EPOR: variants seen among roughly 807,000 people sequenced by gnomAD.
EPOR encodes the protein erythropoietin receptor.
A neutral mutation model predicts 34.3 loss-of-function variants in EPOR; 20 were observed. The observed-to-expected ratio is 0.58, with a 90% CI of 0.41 to 0.85. The LOEUF is 0.85. EPOR is among the 40% of genes least tolerant of loss of function. The pLI, the probability that EPOR is intolerant of heterozygous loss-of-function variation, is 0.00. For synonymous variants in EPOR, 312 were observed against 299.0 expected (o/e 1.04, Z -0.45); for missense variants, 601 against 672.7 (o/e 0.89, Z 1.18).
chr19:11,377,866 C>G lies in EPOR; in HGVS notation c.*118G>C. ...TCCTGAGCAGGATGGATTGGGCAGA[C>G]AAAATCAGCAATGCCCCTGCTCCTG... On this transcript the variant is annotated 3_prime_UTR_variant, in exon 8 of 8. Transcript: ENST00000222139. 2 of 1,310,234 alleles carry G rather than the reference C, an allele frequency of 1.5e-6. No individual in the cohort carries two copies. Among genetic ancestry groups the G allele is most frequent in the South Asian group, 1.2e-5 (1 of 84,600 alleles). The allele number at this position is 1,310,234 out of a possible 1,614,324, so 81.2% of individuals were successfully genotyped here.
In EPOR at chr19:11,378,608, C is replaced by T. The variant is rs200991498; in HGVS notation, c.916-13G>A. 9.3e-6 allele frequency: 15 copies of T among 1,614,146 alleles called. No homozygotes were observed. The highest frequency in any genetic ancestry group is 1.7e-5 in the Admixed American group (1 of 60,014). On this transcript the variant is annotated splice_polypyrimidine_tract_variant and intron_variant, in intron 7 of 7. Transcript: ENST00000222139. The surrounding 1 kb of genome is among the most constrained non-coding windows in gnomAD (Gnocchi z 5.3). ...GGTACAGCCACAGCTGAAGAAATAG[C>T]ACCAACCTGCTCAGAGAGGCCTGCA...
In EPOR at chr19:11,381,891, C is replaced by CTGA; in HGVS notation, c.427+38_427+39insTCA. 1 of 1,614,192 alleles carries CTGA rather than the reference C, an allele frequency of 6.2e-7. No homozygotes were observed. Among genetic ancestry groups the CTGA allele is most frequent in the Non-Finnish European group, 8.5e-7 (1 of 1,180,008 alleles). ...TGGTCAGGTGGGCGAGGACTGAGAC[C>CTGA]CTCTCCTCCGACCACTCCTCCATTC... is the stretch of plus-strand genomic sequence containing the variant. On this transcript the variant is annotated intron_variant, in intron 3 of 7. Coordinates refer to ENST00000222139, the MANE Select transcript of EPOR (RefSeq NM_000121.4). The surrounding 1 kb of genome is among the most constrained non-coding windows in gnomAD (Gnocchi z 5.3).
At position 11,378,732 on chromosome 19, in the gene EPOR, C is replaced by G; in HGVS notation, c.874G>C (p.Glu292Gln). ...TGGGTGGTGAAGAGGCCTTCAAACT[C>G]GCTCTCTGGGCTCGGGATGCCAGGC... ...IWPGIPSPES[E>Q]FEGLFTTHKG... The change falls in exon 7 of 8, where the codon GAG becomes CAG. Residue 292 changes from glutamate (E) to glutamine (Q), a missense_variant. Glu to Gln is a conservative substitution (Grantham distance 29). Transcript: ENST00000222139. The surrounding 1 kb of genome is among the most constrained non-coding windows in gnomAD (Gnocchi z 5.3). 1 of 1,614,210 alleles carries G rather than the reference C, an allele frequency of 6.2e-7. No individual in the cohort carries two copies. The highest frequency in any genetic ancestry group is 8.5e-7 in the Non-Finnish European group (1 of 1,180,048).
chr19:11,383,096 C>T lies in EPOR; in HGVS notation c.251+1G>A, dbSNP rs754116067. Reference sequence around the variant, plus strand: ...GGAGGCACCCGCCGGATCGGACTCACTCGAGCTGGTAGGAGAAGCTGTAGT... The same window carrying T: ...GGAGGCACCCGCCGGATCGGACTCATTCGAGCTGGTAGGAGAAGCTGTAGT... On this transcript the variant is annotated splice_donor_variant, in intron 2 of 7. Coordinates refer to ENST00000222139, the MANE Select transcript of EPOR (RefSeq NM_000121.4). LOFTEE classifies it high-confidence loss of function. The surrounding 1 kb of genome is among the most constrained non-coding windows in gnomAD (Gnocchi z 4.9). 7.2e-5 allele frequency: 116 copies of T among 1,613,578 alleles called. No individual in the cohort carries two copies. The highest frequency in any genetic ancestry group is 9.4e-5 in the Non-Finnish European group (111 of 1,179,934).
rs1968306083 is a variant in EPOR at position 11,378,076 on chromosome 19, C to A, written c.1435G>T (p.Gly479Cys). The A allele has an allele frequency of 1.2e-6, 2 of 1,614,118 alleles. No individual in the cohort carries two copies. Among genetic ancestry groups the A allele is most frequent in the East Asian group, 2.2e-5 (1 of 44,888 alleles). Residue 479 changes from glycine (G) to cysteine (C), a missense_variant, in exon 8 of 8, where the codon GGC becomes TGC. Transcript: ENST00000222139. This position sits in a 1 kb window ranked among gnomAD's most constrained non-coding sequence, Gnocchi z 5.3. Reference protein sequence around the residue: ...SSGDSQGAQGGLSDGPYSNPY... With the variant: ...SSGDSQGAQGCLSDGPYSNPY... ...TTGGAGTAGGGGCCATCGGATAAGC[C>A]CCCTTGGGCTCCCTGGGAGTCCCCT...
chr19:11,383,863 A>C lies in EPOR; in HGVS notation c.115+230T>G, dbSNP rs931064714. On this transcript the variant is annotated intron_variant, in intron 1 of 7. Coordinates refer to ENST00000222139, the MANE Select transcript of EPOR (RefSeq NM_000121.4). The surrounding 1 kb of genome is among the most constrained non-coding windows in gnomAD (Gnocchi z 4.9). ...AAGGTAAAACGGGAATGTTAAGCCC[A>C]CTCTAGCTCTTGCCCGGGACGCGAT... Among the ~76,000 whole-genome samples, 1 of 150,546 alleles carries C rather than the reference A, an allele frequency of 6.6e-6. No individual in the cohort carries two copies. Among genetic ancestry groups the C allele is most frequent in the Non-Finnish European group, 1.5e-5 (1 of 67,694 alleles).
chr19:11,381,261 T>TG lies in EPOR; in HGVS notation c.586-53dup, dbSNP rs1363529996. The TG allele has an allele frequency of 2.6e-6, 4 of 1,540,690 alleles. No individual in the cohort carries two copies. The highest frequency in any genetic ancestry group is 2.8e-5 in the African/African-American group (2 of 72,632). On this transcript the variant is annotated intron_variant, in intron 4 of 7. Transcript: ENST00000222139. The surrounding 1 kb of genome is among the most constrained non-coding windows in gnomAD (Gnocchi z 5.3). Reference sequence around the variant, plus strand: ...GCGTAGCAGACAAAAATAGATGACGTGGGGGCGGGCCCTGGTGGAACTGAG... The same window carrying TG: ...GCGTAGCAGACAAAAATAGATGACGTGGGGGGCGGGCCCTGGTGGAACTGAG...
chr19:11,383,365 G>T lies in EPOR; in HGVS notation c.116-133C>A. 2.1e-6 allele frequency: 2 copies of T among 959,112 alleles called. No individual in the cohort carries two copies. Among genetic ancestry groups the T allele is most frequent in the Non-Finnish European group, 3.0e-6 (2 of 666,396 alleles). 59.4% of individuals were successfully genotyped at this position (959,112 alleles called of 1,614,324 possible). On this transcript the variant is annotated intron_variant, in intron 1 of 7. Transcript: ENST00000222139. The surrounding 1 kb of genome is among the most constrained non-coding windows in gnomAD (Gnocchi z 4.9). ...CCCCGCCCTGCCATCTTCCCAAGCG[G>T]GTCCCTTGGAGGGGTCCGCAGAGGT...
Position 11,381,039 on chromosome 19 carries a change from C to G in EPOR, c.739+17G>C, listed in dbSNP as rs1389324241. The G allele has an allele frequency of 6.3e-7, 1 of 1,592,722 alleles. No homozygotes were observed. Among genetic ancestry groups the G allele is most frequent in the Non-Finnish European group, 8.6e-7 (1 of 1,169,440 alleles). On this transcript the variant is annotated intron_variant, in intron 5 of 7. Transcript: ENST00000222139. The surrounding 1 kb of genome is among the most constrained non-coding windows in gnomAD (Gnocchi z 5.3). The stretch of plus-strand genomic sequence containing the variant: ...GATTCGCCCTGGCTCCTCCTACACC[C>G]CCGCCTGGGGCCTCACCGCTAGGCG...
chr19:11,378,413 A>G lies in EPOR; in HGVS notation c.1098T>C (p.Asp366=), dbSNP rs1464441656. Residue 366 remains aspartate, a synonymous_variant, in exon 8 of 8, where the codon GAT becomes GAC. Transcript: ENST00000222139. The surrounding 1 kb of genome is among the most constrained non-coding windows in gnomAD (Gnocchi z 5.3). The part of the protein sequence containing the change: ...LEPVGSEHAQ[D]TYLVLDKWLL... ...ACCATTTGTCCAGCACCAGATAGGTATCCTGGGCATGCTCACTGCCCACTG... is the reference window on the plus strand; with the variant it reads ...ACCATTTGTCCAGCACCAGATAGGTGTCCTGGGCATGCTCACTGCCCACTG... 6.2e-7 allele frequency: 1 copy of G among 1,613,882 alleles called. No individual in the cohort carries two copies. Among genetic ancestry groups the G allele is most frequent in the African/African-American group, 1.3e-5 (1 of 74,922 alleles).
intron 6 of EPOR, among the ~76,000 whole-genome samples, chr19:11,380,258 G>C (rs1968337968): frequency 6.6e-6 from 1 of 152,178 alleles, no homozygotes; most frequent in Non-Finnish European, 1.5e-5. Context: ...TTGTTGACTT[G>C]AGATCCACAA....
rs147359717 is a variant in EPOR, at chr19:11,377,878, T to C, written c.*106A>G. 4.9e-5 allele frequency: 69 copies of C among 1,407,002 alleles called. No homozygotes were observed. The Admixed American group carries it at 1.1e-3, about 23-fold the overall frequency. The allele number at this position is 1,407,002 out of a possible 1,614,324, so 87.2% of individuals were successfully genotyped here. Reference sequence around the variant, plus strand: ...TGGATTGGGCAGACAAAATCAGCAATGCCCCTGCTCCTGAGAGAGGCCTCG... The same window carrying C: ...TGGATTGGGCAGACAAAATCAGCAACGCCCCTGCTCCTGAGAGAGGCCTCG... On this transcript the variant is annotated 3_prime_UTR_variant, in exon 8 of 8. Transcript: ENST00000222139.
chr19:11,383,344 G>T lies in EPOR; in HGVS notation c.116-112C>A. On this transcript the variant is annotated intron_variant, in intron 1 of 7. Transcript: ENST00000222139. This position sits in a 1 kb window ranked among gnomAD's most constrained non-coding sequence, Gnocchi z 4.9. Reference sequence around the variant, plus strand: ...GCGGACCCGATAAGAAAAAAGCCCCGCCCTGCCATCTTCCCAAGCGGGTCC... The same window carrying T: ...GCGGACCCGATAAGAAAAAAGCCCCTCCCTGCCATCTTCCCAAGCGGGTCC... 3 of 1,112,500 alleles carry T rather than the reference G, an allele frequency of 2.7e-6. No homozygotes were observed. The highest frequency in any genetic ancestry group is 3.7e-6 in the Non-Finnish European group (3 of 802,832). The allele number at this position is 1,112,500 out of a possible 1,614,324, so 68.9% of individuals were successfully genotyped here. A position where few individuals can be genotyped will look rare whatever the true frequency, so the allele number is the denominator to read the frequency against.
intron 6 of EPOR, among the ~76,000 whole-genome samples, chr19:11,379,905 T>A (rs925831033): frequency 6.6e-6 from 1 of 152,182 alleles, no homozygotes; most frequent in Non-Finnish European, 1.5e-5. Context: ...TTCTCCATGT[T>A]GGTCAGGCTG....
In EPOR at chr19:11,384,241, CTGCCCCT is replaced by C; in HGVS notation, c.-41_-35del. 2.9e-6 allele frequency: 4 copies of C among 1,402,972 alleles called. No individual in the cohort carries two copies. The highest frequency in any genetic ancestry group is 3.9e-6 in the Non-Finnish European group (4 of 1,022,358). 86.9% of individuals were successfully genotyped at this position (1,402,972 alleles called of 1,614,324 possible). ...CCCCGCCACGGGGAGCCCAGGGCTC[CTGCCCCT>C]CCGTCCCCCGCCCCCGGCACAGTCC... is the stretch of plus-strand genomic sequence containing the variant. On this transcript the variant is annotated 5_prime_UTR_variant, in exon 1 of 8. Transcript: ENST00000222139.
Position 11,378,044 on chromosome 19 carries a change from A to G in EPOR, c.1467T>C (p.Tyr489=), listed in dbSNP as rs770608744. 7 of 1,614,152 alleles carry G rather than the reference A, an allele frequency of 4.3e-6. No homozygotes were observed. Among genetic ancestry groups the G allele is most frequent in the Middle Eastern group, 1.6e-4 (1 of 6,062 alleles). The change falls in exon 8 of 8, where the codon TAT becomes TAC. Residue 489 remains tyrosine (Y), a synonymous_variant. Transcript: ENST00000222139. The surrounding 1 kb of genome is among the most constrained non-coding windows in gnomAD (Gnocchi z 5.3). ...GLSDGPYSNP[Y]ENSLIPAAEP... is the part of the protein sequence containing the mutation. ...CAGCGGCTGGGATAAGGCTGTTCTC[A>G]TAAGGGTTGGAGTAGGGGCCATCGG...
Position 11,378,872 on chromosome 19 carries a change from T to A in EPOR, c.828-94A>T. 7.9e-7 allele frequency: 1 copy of A among 1,257,890 alleles called. No individual in the cohort carries two copies. Among genetic ancestry groups the A allele is most frequent in the Non-Finnish European group, 1.1e-6 (1 of 878,612 alleles). 77.9% of individuals were successfully genotyped at this position (1,257,890 alleles called of 1,614,324 possible). ...CCCAGTCATAGAGGCACAGATACACTTGGTCCCTGTGATCACAATGGAGGC... is the reference window on the plus strand; with the variant it reads ...CCCAGTCATAGAGGCACAGATACACATGGTCCCTGTGATCACAATGGAGGC... On this transcript the variant is annotated intron_variant, in intron 6 of 7. Transcript: ENST00000222139. This position sits in a 1 kb window ranked among gnomAD's most constrained non-coding sequence, Gnocchi z 5.3.
rs770845339 is a variant in EPOR, at chr19:11,378,775, A to G, written c.831T>C (p.Ala277=). ...TGCCAGGCCAGATCTTCTGCTTCAG[A>G]GCCCTGTTGAAGCCAATATAAATAG... is the stretch of plus-strand genomic sequence containing the variant. The part of the protein sequence containing the change: ...TVLALLSHRR[A]LKQKIWPGIP... The change falls in exon 7 of 8, where the codon GCT becomes GCC. Residue 277 remains alanine (A), a synonymous_variant. Transcript: ENST00000222139. The surrounding 1 kb of genome is among the most constrained non-coding windows in gnomAD (Gnocchi z 5.3). 1.9e-6 allele frequency: 3 copies of G among 1,613,910 alleles called. No homozygotes were observed. The highest frequency in any genetic ancestry group is 4.5e-5 in the East Asian group (2 of 44,898).
Position 11,377,321 on chromosome 19 carries a change from C to G in EPOR, c.*663G>C, listed in dbSNP as rs148340466. ...CTAAGTTTCCTGGCCTTTCATGTGA[C>G]TGGGGTCATGTGACTGTTTCCAGCC... On this transcript the variant is annotated 3_prime_UTR_variant, in exon 8 of 8. Transcript: ENST00000222139. The G allele has an allele frequency of 2.0e-5, 9 of 454,046 alleles. No homozygotes were observed. The East Asian group carries it at 6.2e-4, about 32-fold the overall frequency. The allele number at this position is 454,046 out of a possible 1,614,324, so 28.1% of individuals were successfully genotyped here.
Sources: allele counts gnomAD v4.1 joint callset (sites outside exome capture counted in the v4.1 genomes callset), GRCh38; gene constraint gnomAD v4.1.1; non-coding constraint Gnocchi (gnomAD v3.1); transcripts MANE v1.5; gene names NCBI Gene and HGNC (gene_info 2026-07-23, HGNC 2026-07-21).